Variants in CENPP observed in about 807,000 individuals in gnomAD.
The protein encoded by CENPP is centromere protein P.
Under a neutral mutation model 35.6 loss-of-function variants are expected in CENPP, and 24 were observed. The ratio of observed to expected loss-of-function variants is 0.67; its 90% CI spans 0.49 to 0.95. CENPP has a LOEUF of 0.95. CENPP is among the 40% of genes least tolerant of loss of function. The pLI is 0.00. For missense variants in CENPP, 332 were observed against 345.3 expected (o/e 0.96, Z 0.31); for synonymous variants, 120 against 125.5 (o/e 0.96, Z 0.29).
chr9:92,524,423 C>A (rs1159379389), intron 5 of CENPP, among the ~76,000 whole-genome samples: 2 of 152,122 alleles, frequency 1.3e-5, no homozygotes, highest in Non-Finnish European at 2.9e-5. Context: ...AGTCTGGTGG[C>A]CAGGGACAAG....
chr9:92,441,671 G>A (rs10117627), intron 5 of CENPP, among the ~76,000 whole-genome samples: 60,217 of 151,944 alleles, frequency 0.4, 13,902 homozygotes, highest in African/African-American at 0.64. Context: ...AGGCACGAGA[G>A]TCACTTCAAC....
chr9:92,502,620 T>C, intron 5 of CENPP: 1 of 1,599,598 alleles, frequency 6.3e-7, no homozygotes, highest in Non-Finnish European at 8.6e-7. Context: ...TTTCAGTTAT[T>C]TCTTCAATTT....
intron 5 of CENPP, among the ~76,000 whole-genome samples, chr9:92,442,991 A>C (rs1434171132): frequency 6.6e-6 from 1 of 152,238 alleles, no homozygotes; most frequent in Non-Finnish European, 1.5e-5. Context: ...TCTTCTCCCC[A>C]AAAATTGAGA....
At chr9:92,514,854 C>A (rs1847592685) in intron 5 of CENPP, 1 of 1,612,534 alleles carries the variant, frequency 6.2e-7, no homozygotes, top group African/African-American at 1.3e-5. Flanking sequence ...CCTCACCCTC[C>A]TCCTCCTCAT....
intron 5 of CENPP, among the ~76,000 whole-genome samples, chr9:92,504,757 T>G (rs1235962495): frequency 6.6e-6 from 1 of 152,142 alleles, no homozygotes; most frequent in African/African-American, 2.4e-5. Context: ...CAGGCTACTC[T>G]CAAACTCCTG....
rs1280821550 is a variant in CENPP, at chr9:92,554,533, T to G, written c.565-56781T>G. Among the ~76,000 whole-genome samples the G allele has an allele frequency of 3.9e-5, 6 of 152,228 alleles. No homozygotes were observed. In the East Asian group the frequency reaches 1.2e-3, roughly 29 times the overall value. On this transcript the variant is annotated intron_variant, in intron 5 of 7. Coordinates refer to ENST00000375587, the MANE Select transcript of CENPP (RefSeq NM_001012267.3). Reference sequence around the variant, plus strand: ...TGTATCACGTTTATTGACCTGCATATGTTAAACCATCCCTGCATCCCTGGT... The same window carrying G: ...TGTATCACGTTTATTGACCTGCATAGGTTAAACCATCCCTGCATCCCTGGT...
chr9:92,576,878 A>T (rs780932887), intron 5 of CENPP, among the ~76,000 whole-genome samples: 54 of 152,192 alleles, frequency 3.5e-4, no homozygotes, highest in Non-Finnish European at 2.4e-4. Context: ...GAAAATAGGT[A>T]AGCAATTTGA....
At chr9:92,337,810 A>G (rs568594220) in intron 3 of CENPP, among the ~76,000 whole-genome samples, 181 bp downstream of exon 3, 2 of 152,332 alleles carry the variant, frequency 1.3e-5, no homozygotes, top group Admixed American at 6.5e-5. Context: ...ATAGCCCAGC[A>G]ACTGCATATG....
intron 5 of CENPP, among the ~76,000 whole-genome samples, chr9:92,602,492 G>A (rs1250243248): frequency 6.6e-6 from 1 of 152,214 alleles, no homozygotes; most frequent in African/African-American, 2.4e-5. Flanking sequence ...ACTCAGCATG[G>A]ATATGCAGCG....
chr9:92,559,166 A>C (rs1849792725), intron 5 of CENPP, among the ~76,000 whole-genome samples: 1 of 152,106 alleles, frequency 6.6e-6, no homozygotes, highest in African/African-American at 2.4e-5. Context: ...AAATTGTTAC[A>C]AAGTTCGGCT....
intron 5 of CENPP, among the ~76,000 whole-genome samples, chr9:92,497,892 AAG>A (rs1400784839): frequency 1.5e-5 from 2 of 135,382 alleles, no homozygotes; most frequent in African/African-American, 3.0e-5. Context: ...AAAAAAAAAA[AAG>A]AAGTCTGGCA....
chr9:92,477,403 C>A (rs972749131), intron 5 of CENPP, among the ~76,000 whole-genome samples: 1 of 152,154 alleles, frequency 6.6e-6, no homozygotes, highest in Admixed American at 6.5e-5. Flanking sequence ...TCAAAATACT[C>A]ATTCCCTAGA....
Position 92,471,222 on chromosome 9 carries a change from A to C in CENPP, c.564+91363A>C, listed in dbSNP as rs1367738483. On this transcript the variant is annotated intron_variant, in intron 5 of 7. Transcript: ENST00000375587. ...TTCTTTTTTTTTTTTTTTGAGATGG[A>C]GTCTCGCTCTGTTGCCCAGGCTGGA... is the stretch of plus-strand genomic sequence containing the variant. Among the ~76,000 whole-genome samples, 3 of 143,900 alleles carry C rather than the reference A, an allele frequency of 2.1e-5. No individual in the cohort carries two copies. In the East Asian group the frequency reaches 6.1e-4, roughly 29 times the overall value. The allele number at this position is 143,900 out of a possible 152,430, so 94.4% of individuals were successfully genotyped here.
chr9:92,351,269 T>C (rs901953306), intron 4 of CENPP, among the ~76,000 whole-genome samples: 1 of 152,058 alleles, frequency 6.6e-6, no homozygotes, highest in Non-Finnish European at 1.5e-5. Context: ...GGCGGGTGGA[T>C]CATGAGGTCA....
In CENPP at chr9:92,615,991, G is replaced by A. The variant is rs1468650586; in HGVS notation, c.*2842G>A. ...TGCTCTCGTAGGGCTTGAGGTCAAG[G>A]TCCAGCACAGACACGGAAAAGGCAA... On this transcript the variant is annotated 3_prime_UTR_variant, in exon 8 of 8. Transcript: ENST00000375587. 2 of 1,614,018 alleles carry A rather than the reference G, an allele frequency of 1.2e-6. No individual in the cohort carries two copies. Among genetic ancestry groups the A allele is most frequent in the Non-Finnish European group, 1.7e-6 (2 of 1,180,042 alleles).
intron 5 of CENPP, chr9:92,514,628 T>C: frequency 1.3e-6 from 2 of 1,564,638 alleles, no homozygotes; most frequent in African/African-American, 2.7e-5. Context: ...CAACATCTCT[T>C]ACCAGTGAGC....
intron 5 of CENPP, among the ~76,000 whole-genome samples, chr9:92,462,044 C>T (rs1397152662): frequency 6.6e-6 from 1 of 152,072 alleles, no homozygotes; most frequent in Non-Finnish European, 1.5e-5. Flanking sequence ...GTAGCGCAGT[C>T]TTGGCTCACT....
At chr9:92,571,147 C>T (rs1008919448) in intron 5 of CENPP, among the ~76,000 whole-genome samples, 1 of 151,996 alleles carries the variant, frequency 6.6e-6, no homozygotes, top group East Asian at 1.9e-4. Flanking sequence ...GCTCTTGCTT[C>T]TCTAGTTCTT....
intron 5 of CENPP, chr9:92,496,144 C>T: frequency 1.5e-6 from 2 of 1,308,198 alleles, no homozygotes; most frequent in Non-Finnish European, 1.9e-6. Flanking sequence ...CTCCTAGAGA[C>T]TATACCTTTT....
Sources: allele counts gnomAD v4.1 joint callset (sites outside exome capture counted in the v4.1 genomes callset), GRCh38; gene constraint gnomAD v4.1.1; transcripts MANE v1.5; gene names NCBI Gene and HGNC (gene_info 2026-07-23, HGNC 2026-07-21).